Variants in VIM observed in about 807,000 individuals in gnomAD.
VIM encodes vimentin.
In VIM, 18 loss-of-function variants were observed where a neutral mutation model predicts 50.3. The ratio of observed to expected loss-of-function variants is 0.36; its 90% CI spans 0.25 to 0.53. The LOEUF (loss-of-function observed/expected upper bound fraction) is 0.53. Among genes scored for constraint, VIM ranks in the 20% least tolerant of loss-of-function variants. The pLI, the probability that VIM is intolerant of heterozygous loss-of-function variation, is 0.91. For synonymous variants in VIM, 245 were observed against 248.5 expected (o/e 0.99, Z 0.13); for missense variants, 551 against 614.7 (o/e 0.90, Z 1.10).
At position 17,235,322 on chromosome 10, in the gene VIM, A is replaced by G. The variant is rs1846869078; in HGVS notation, c.1162A>G (p.Asn388Asp). 2 of 1,614,240 alleles carry G rather than the reference A, an allele frequency of 1.2e-6. No homozygotes were observed. The highest frequency in any genetic ancestry group is 1.7e-6 in the Non-Finnish European group (2 of 1,180,046). Residue 388 changes from asparagine to aspartate, a missense_variant, in exon 7 of 10, where the codon AAT (asparagine) becomes GAT (aspartate). By Grantham distance (23) the Asn-to-Asp change is conservative. Around this residue, in one of 3 missense-constraint regions of VIM, gnomAD observed 394 missense variants for 437.5 expected, o/e 0.90. Coordinates refer to ENST00000544301, the MANE Select transcript of VIM (RefSeq NM_003380.5). Reference protein sequence around the residue: ...RHLREYQDLLNVKMALDIEIA... With the variant: ...RHLREYQDLLDVKMALDIEIA... ...CCTTCGTGAATACCAAGACCTGCTC[A>G]ATGTTAAGATGGCCCTTGACATTGA...
chr10:17,236,001 A>G (rs1447012681), intron 8 of VIM, 112 bp downstream of exon 8: 4 of 1,166,148 alleles, frequency 3.4e-6, no homozygotes, highest in Non-Finnish European at 5.0e-6. Flanking sequence ...ATAAGAGAAA[A>G]CTCTATAAAA....
At chr10:17,233,476 C>T in intron 3 of VIM, 111 bp from the exon 4 acceptor site, 4 of 1,087,820 alleles carry the variant, frequency 3.7e-6, no homozygotes, top group Non-Finnish European at 5.5e-6. Context: ...GTGTCAACGG[C>T]TTTTCTATAG....
chr10:17,236,429 A>G lies in VIM; in HGVS notation c.1359+50A>G, dbSNP rs747564171. On this transcript the variant is annotated intron_variant, in intron 9 of 9. Coordinates refer to ENST00000544301, the MANE Select transcript of VIM (RefSeq NM_003380.5). ...AGGGTAATCTCAGACAGGAGTTGATATATTTTAAAATCAGTGAATCTGAAT... is the reference window on the plus strand; with the variant it reads ...AGGGTAATCTCAGACAGGAGTTGATGTATTTTAAAATCAGTGAATCTGAAT... 15 of 1,423,462 alleles carry G rather than the reference A, an allele frequency of 1.1e-5. No individual in the cohort carries two copies. In the South Asian group the frequency reaches 1.1e-4, roughly 11 times the overall value. The allele number at this position is 1,423,462 out of a possible 1,614,324, so 88.2% of individuals were successfully genotyped here.
chr10:17,229,613 G>T lies in VIM; in HGVS notation c.191G>T (p.Arg64Leu). The change falls in exon 2 of 10, where the codon CGC becomes CTC. Residue 64 changes from arginine (R) to leucine (L), a missense_variant. Physicochemically the swap from Arg to Leu is moderately radical, Grantham distance 102. This residue lies in a region of VIM where 134 missense variants were observed against 126.4 expected (regional missense o/e 1.06). Transcript: ENST00000544301. ...ASSPGGVYATRSSAVRLRSSV... is the reference protein window; with the variant it reads ...ASSPGGVYATLSSAVRLRSSV... ...TCCCCGGGCGGCGTGTATGCCACGC[G>T]CTCCTCTGCCGTGCGCCTGCGGAGC... 1 of 1,597,642 alleles carries T rather than the reference G, an allele frequency of 6.3e-7. No homozygotes were observed. Among genetic ancestry groups the T allele is most frequent in the Non-Finnish European group, 8.5e-7 (1 of 1,172,772 alleles).
In VIM at chr10:17,233,796, T is replaced by C; in HGVS notation, c.747T>C (p.Ile249=). 1 of 1,614,162 alleles carries C rather than the reference T, an allele frequency of 6.2e-7. No individual in the cohort carries two copies. Among genetic ancestry groups the C allele is most frequent in the Non-Finnish European group, 8.5e-7 (1 of 1,180,030 alleles). The change falls in exon 5 of 10, where the codon ATT becomes ATC. Residue 249 remains isoleucine, a synonymous_variant. Coordinates refer to ENST00000544301, the MANE Select transcript of VIM (RefSeq NM_003380.5). ...AAATCCAGGAGCTGCAGGCTCAGAT[T>C]CAGGAACAGCATGTCCAAATCGATG... The part of the protein sequence containing the change: ...EEEIQELQAQ[I]QEQHVQIDVD...
chr10:17,229,320 C>A lies in VIM; in HGVS notation c.-103C>A. On this transcript the variant is annotated 5_prime_UTR_variant, in exon 2 of 10. Transcript: ENST00000544301. ...CGAGGTCCCCGCGCCAGAGACGCAG[C>A]CGCGCTCCCACCACCCACACCCACC... The A allele has an allele frequency of 8.0e-7, 1 of 1,249,706 alleles. No individual in the cohort carries two copies. Among genetic ancestry groups the A allele is most frequent in the Non-Finnish European group, 1.1e-6 (1 of 894,956 alleles). 77.4% of individuals were successfully genotyped at this position (1,249,706 alleles called of 1,614,324 possible). A position where few individuals can be genotyped will look rare whatever the true frequency, so the allele number is the denominator to read the frequency against.
chr10:17,230,819 C>T, intron 3 of VIM, 109 bp downstream of exon 3: 3 of 1,301,130 alleles, frequency 2.3e-6, no homozygotes, highest in Non-Finnish European at 3.3e-6. Context: ...AACTTCAGGG[C>T]TGCGCGTAAA....
At position 17,229,353 on chromosome 10, in the gene VIM, C is replaced by T; in HGVS notation, c.-70C>T. On this transcript the variant is annotated 5_prime_UTR_variant, in exon 2 of 10. Transcript: ENST00000544301. Reference sequence around the variant, plus strand: ...CCACCACCCACACCCACCGCGCCCTCGTTCGCCTCTTCTCCGGGAGCCAGT... The same window carrying T: ...CCACCACCCACACCCACCGCGCCCTTGTTCGCCTCTTCTCCGGGAGCCAGT... 6.7e-7 allele frequency: 1 copy of T among 1,501,918 alleles called. No individual in the cohort carries two copies. Among genetic ancestry groups the T allele is most frequent in the Non-Finnish European group, 9.0e-7 (1 of 1,115,886 alleles). The allele number at this position is 1,501,918 out of a possible 1,614,324, so 93.0% of individuals were successfully genotyped here.
chr10:17,231,961 A>G (rs1846807111), intron 3 of VIM, among the ~76,000 whole-genome samples: 1 of 152,208 alleles, frequency 6.6e-6, no homozygotes, highest in South Asian at 2.1e-4. Flanking sequence ...TACATTTACC[A>G]AATTAATTTA....
At chr10:17,231,218 A>G (rs1846787823) in intron 3 of VIM, 1 of 153,564 alleles carries the variant, frequency 6.5e-6, no homozygotes, top group African/African-American at 2.4e-5. Flanking sequence ...TAAAATGGAA[A>G]ACGTGTTGGA....
chr10:17,228,248 C>T lies in VIM; in HGVS notation c.-424C>T, dbSNP rs908246744. 2.6e-5 allele frequency: 4 copies of T among 152,258 alleles called. No individual in the cohort carries two copies. Among genetic ancestry groups the T allele is most frequent in the South Asian group, 2.1e-4 (1 of 4,822 alleles). The allele number at this position is 152,258 out of a possible 1,614,324, so 9.4% of individuals were successfully genotyped here. On this transcript the variant is annotated 5_prime_UTR_variant, in exon 1 of 10. Transcript: ENST00000544301. ...CCGGTGCAATCGTGATCTGGGAGGC[C>T]CACGTATGGCGCCTCTCCAAAGGCT... is the stretch of plus-strand genomic sequence containing the variant.
chr10:17,229,144 A>AACCCCC lies in VIM; in HGVS notation c.-147-132_-147-131insACCCCC. The stretch of plus-strand genomic sequence containing the variant: ...AGCAGGAAGGCTCGAGGGCGCCCCC[A>AACCCCC]CCCCACCCGCCCACCCTCCCCGCTT... On this transcript the variant is annotated intron_variant, in intron 1 of 9. Coordinates refer to ENST00000544301, the MANE Select transcript of VIM (RefSeq NM_003380.5). The AACCCCC allele has an allele frequency of 4.5e-5, 8 of 176,158 alleles. 1 individual carries two copies. Among genetic ancestry groups the AACCCCC allele is most frequent in the South Asian group, 1.8e-4 (3 of 16,232 alleles). 10.9% of individuals were successfully genotyped at this position (176,158 alleles called of 1,614,324 possible). A position where few individuals can be genotyped will look rare whatever the true frequency, so the allele number is the denominator to read the frequency against.
chr10:17,235,044 A>G, intron 6 of VIM, 125 bp from the exon 7 acceptor site: 1 of 1,234,302 alleles, frequency 8.1e-7, no homozygotes, highest in South Asian at 1.3e-5. Flanking sequence ...CGCATTCTCC[A>G]CCTAAAATTA....
At position 17,230,027 on chromosome 10, in the gene VIM, G is replaced by T. The variant is rs1156348679; in HGVS notation, c.563+42G>T. The T allele has an allele frequency of 1.3e-5, 21 of 1,567,378 alleles. No individual in the cohort carries two copies. In the Admixed American group the frequency reaches 3.0e-4, roughly 22 times the overall value. Reference sequence around the variant, plus strand: ...GCAAGTAGCTGGGCCTCGGGAGGGGGCTGGAGGGAGAGGGGAACGCCCCCC... The same window carrying T: ...GCAAGTAGCTGGGCCTCGGGAGGGGTCTGGAGGGAGAGGGGAACGCCCCCC... On this transcript the variant is annotated intron_variant, in intron 2 of 9. Coordinates refer to ENST00000544301, the MANE Select transcript of VIM (RefSeq NM_003380.5).
In VIM at chr10:17,235,400, C is replaced by G. The variant is rs1276013329; in HGVS notation, c.1229+11C>G. 1 of 1,613,734 alleles carries G rather than the reference C, an allele frequency of 6.2e-7. No homozygotes were observed. Among genetic ancestry groups the G allele is most frequent in the African/African-American group, 1.3e-5 (1 of 75,056 alleles). On this transcript the variant is annotated intron_variant, in intron 7 of 9. Transcript: ENST00000544301. ...AGGCGAGGAGAGCAGGTAGGGAACTCAGACTTGGATGCGTGAACTAATGGT... is the reference window on the plus strand; with the variant it reads ...AGGCGAGGAGAGCAGGTAGGGAACTGAGACTTGGATGCGTGAACTAATGGT...
In VIM at chr10:17,234,838, TAA is replaced by T; in HGVS notation, c.1008+23_1008+24del. On this transcript the variant is annotated intron_variant, in intron 6 of 9. Transcript: ENST00000544301. ...GGAACCGTGAGTACCAACCCTGCAG[TAA>T]AAGAGGGAAAATAATGACCCATTCT... 1 of 1,613,834 alleles carries T rather than the reference TAA, an allele frequency of 6.2e-7. No homozygotes were observed. Among genetic ancestry groups the T allele is most frequent in the Non-Finnish European group, 8.5e-7 (1 of 1,179,954 alleles).
intron 2 of VIM, 76 bp downstream of exon 2, chr10:17,230,061 G>C: frequency 6.7e-7 from 1 of 1,490,458 alleles, no homozygotes; most frequent in Non-Finnish European, 9.0e-7. Flanking sequence ...CCCGGCCCCC[G>C]CGAGAGCTGC....
In VIM at chr10:17,229,456, C is replaced by A. The variant is rs1220895620; in HGVS notation, c.34C>A (p.Arg12Ser). The A allele has an allele frequency of 1.2e-6, 2 of 1,606,932 alleles. No homozygotes were observed. Among genetic ancestry groups the A allele is most frequent in the Non-Finnish European group, 1.7e-6 (2 of 1,179,186 alleles). ...CAGGTCCGTGTCCTCGTCCTCCTAC[C>A]GCAGGATGTTCGGCGGCCCGGGCAC... Reference protein sequence around the residue: ...STRSVSSSSYRRMFGGPGTAS... With the variant: ...STRSVSSSSYSRMFGGPGTAS... Residue 12 changes from arginine to serine, a missense_variant, in exon 2 of 10, where the codon CGC becomes AGC. By Grantham distance (110) the Arg-to-Ser change is moderately radical (BLOSUM62 -1). This residue lies in a region of VIM where 134 missense variants were observed against 126.4 expected (regional missense o/e 1.06). Transcript: ENST00000544301.
intron 2 of VIM, 57 bp downstream of exon 2, chr10:17,230,042 GA>G (rs1427413536): frequency 6.5e-7 from 1 of 1,538,158 alleles, no homozygotes; most frequent in Non-Finnish European, 8.7e-7. Flanking sequence ...AGGGAGAGGG[GA>G]ACGCCCCCCC....
Sources: allele counts gnomAD v4.1 joint callset (sites outside exome capture counted in the v4.1 genomes callset), GRCh38; gene constraint gnomAD v4.1.1; regional missense constraint gnomAD v4.1.1; transcripts MANE v1.5; gene names NCBI Gene and HGNC (gene_info 2026-07-23, HGNC 2026-07-21).